The following CAMTA1 variants were observed in gnomAD, a reference collection of about 807,000 sequenced individuals.
CAMTA1 encodes the protein calmodulin binding transcription activator 1, also known as calmodulin-binding transcription activator 1.
In CAMTA1, 27 loss-of-function variants were observed where a neutral mutation model predicts 170.9. That is an observed-to-expected ratio of 0.16 (90% CI 0.12 to 0.22). The LOEUF (loss-of-function observed/expected upper bound fraction) is 0.22, where lower values mean the gene tolerates loss of function less well. Ranked by LOEUF, CAMTA1 falls within the 10% of genes least tolerant of loss-of-function variation. The pLI, the probability that CAMTA1 is intolerant of heterozygous loss-of-function variation, is 1.00. For missense variants in CAMTA1, 1,619 were observed against 2,217.2 expected, an observed-to-expected ratio of 0.73 and a Z score of 5.42; for synonymous variants, 833 against 891.5, an observed-to-expected ratio of 0.93 and a Z score of 1.17.
chr1:7,045,759 A>G (rs544938365), intron 3 of CAMTA1, among the ~76,000 whole-genome samples: 1 of 152,332 alleles, frequency 6.6e-6, no homozygotes, highest in South Asian at 2.1e-4. Context: ...GACGTCCTCT[A>G]GCATCTGTTG....
chr1:6,989,055 G>A (rs1450851305), intron 3 of CAMTA1, among the ~76,000 whole-genome samples: 1 of 152,204 alleles, frequency 6.6e-6, no homozygotes, highest in Non-Finnish European at 1.5e-5. Context: ...AAGGCAGGAG[G>A]GGCAGGGGAC....
At chr1:7,244,323 G>C (rs185941078) in intron 4 of CAMTA1, among the ~76,000 whole-genome samples, 3 of 152,352 alleles carry the variant, frequency 2.0e-5, no homozygotes, top group African/African-American at 7.2e-5. Flanking sequence ...CATTGCGGAA[G>C]TCGGTGTGGC....
intron 3 of CAMTA1, among the ~76,000 whole-genome samples, chr1:6,919,301 C>T (rs998263766): frequency 3.3e-5 from 5 of 152,094 alleles, no homozygotes; most frequent in Non-Finnish European, 7.4e-5. Flanking sequence ...AGGAGTGGGC[C>T]CCAGAGGCAA....
chr1:7,658,480 G>A (rs1207865130), intron 7 of CAMTA1, among the ~76,000 whole-genome samples: 1 of 152,208 alleles, frequency 6.6e-6, no homozygotes, highest in Non-Finnish European at 1.5e-5. Flanking sequence ...GGTACAGCCA[G>A]AGTAGGGGAC....
chr1:7,107,724 G>C (rs1359227298), intron 4 of CAMTA1, among the ~76,000 whole-genome samples: 1 of 152,194 alleles, frequency 6.6e-6, no homozygotes, highest in African/African-American at 2.4e-5. Flanking sequence ...CTGAGCTGCA[G>C]GGCTGTCCTC....
chr1:7,485,889 A>G (rs1438822552), intron 6 of CAMTA1, among the ~76,000 whole-genome samples: 2 of 152,172 alleles, frequency 1.3e-5, no homozygotes, highest in African/African-American at 4.8e-5. Flanking sequence ...AGCACTTTTA[A>G]CACTCCAGAC....
chr1:6,968,187 G>A (rs1691898358), intron 3 of CAMTA1, among the ~76,000 whole-genome samples: 1 of 152,148 alleles, frequency 6.6e-6, no homozygotes, highest in African/African-American at 2.4e-5. Flanking sequence ...TGTCCGCTTG[G>A]TGTGCCGAGA....
chr1:7,437,873 G>C (rs530456775), intron 5 of CAMTA1, among the ~76,000 whole-genome samples: 1 of 152,238 alleles, frequency 6.6e-6, no homozygotes, highest in East Asian at 1.9e-4. Context: ...GAAGCAGGCC[G>C]CACGACAGCC....
chr1:7,590,730 C>T (rs927080306), intron 6 of CAMTA1, among the ~76,000 whole-genome samples: 1 of 152,136 alleles, frequency 6.6e-6, no homozygotes, highest in Non-Finnish European at 1.5e-5. Flanking sequence ...TCAAAAGGAC[C>T]GGCACCTTTG....
rs1159569174 is a variant in CAMTA1, at chr1:7,768,626, C to G, written c.*2135C>G. 1 of 152,648 alleles carries G rather than the reference C, an allele frequency of 6.6e-6. No homozygotes were observed. The highest frequency in any genetic ancestry group is 1.5e-5 in the Non-Finnish European group (1 of 68,030). 9.5% of individuals were successfully genotyped at this position (152,648 alleles called of 1,614,324 possible). On this transcript the variant is annotated 3_prime_UTR_variant, in exon 23 of 23. Coordinates refer to ENST00000303635, the MANE Select transcript of CAMTA1 (RefSeq NM_015215.4). The stretch of plus-strand genomic sequence containing the variant: ...TTTTTTAATTACTTCCTTTCACTGC[C>G]AACCTCGAATTACTGTACAGTATAT...
chr1:7,386,813 C>T (rs2088051684), intron 5 of CAMTA1, among the ~76,000 whole-genome samples: 1 of 152,180 alleles, frequency 6.6e-6, no homozygotes, highest in South Asian at 2.1e-4. Context: ...GCTCCTTCCT[C>T]CCCTCCTAAC....
chr1:7,226,871 C>T (rs1221078884), intron 4 of CAMTA1, among the ~76,000 whole-genome samples: 2 of 151,712 alleles, frequency 1.3e-5, no homozygotes, highest in African/African-American at 2.4e-5. Flanking sequence ...CTCGCTCTGT[C>T]ACCCGGGCTG....
In CAMTA1 at chr1:7,195,158, C is replaced by T. The variant is rs776449711; in HGVS notation, c.303-54333C>T. On this transcript the variant is annotated intron_variant, in intron 4 of 22. Transcript: ENST00000303635. The surrounding 1 kb of genome is among the most constrained non-coding windows in gnomAD (Gnocchi z 4.1). ...CCCAGCAGCAGGCGAGGTTTTCTGT[C>T]GTCCAGCACGTGCAAGAGAAGGGCT... Among the ~76,000 whole-genome samples, 19 of 152,176 alleles carry T rather than the reference C, an allele frequency of 1.2e-4. No individual in the cohort carries two copies. The highest frequency in any genetic ancestry group is 4.6e-4 in the African/African-American group (19 of 41,444).
intron 4 of CAMTA1, among the ~76,000 whole-genome samples, chr1:7,198,045 T>C (rs1156965413): frequency 6.6e-6 from 1 of 152,138 alleles, no homozygotes; most frequent in South Asian, 2.1e-4. Flanking sequence ...CTGTTAGACA[T>C]GGACATTTCT....
chr1:7,307,489 G>C (rs1483544490), intron 5 of CAMTA1, among the ~76,000 whole-genome samples: 1 of 151,924 alleles, frequency 6.6e-6, no homozygotes, highest in Non-Finnish European at 1.5e-5. Context: ...AAGCTTATGT[G>C]AGAATGGACA....
chr1:6,806,923 T>C, intron 1 of CAMTA1: 1 of 432,800 alleles, frequency 2.3e-6, no homozygotes, highest in Non-Finnish European at 4.2e-6. Context: ...CATTGGTTAT[T>C]GTTATACTTT....
At chr1:7,757,575 T>C (rs1270633529) in intron 22 of CAMTA1, among the ~76,000 whole-genome samples, 2 of 152,202 alleles carry the variant, frequency 1.3e-5, no homozygotes, top group African/African-American at 4.8e-5. Context: ...GAGACCAGCC[T>C]GGCCAACGTG....
At chr1:7,338,034 TG>T (rs2083524968) in intron 5 of CAMTA1, among the ~76,000 whole-genome samples, 1 of 142,788 alleles carries the variant, frequency 7.0e-6, no homozygotes, top group African/African-American at 2.8e-5. Flanking sequence ...TATACATATA[TG>T]TACATATATA....
At chr1:6,976,326 G>C (rs112720588) in intron 3 of CAMTA1, among the ~76,000 whole-genome samples, 337 of 152,274 alleles carry the variant, frequency 2.2e-3, no homozygotes, top group African/African-American at 7.6e-3. Context: ...CAGGGAGACG[G>C]ATCTGGCACT....
Sources: allele counts gnomAD v4.1 joint callset (sites outside exome capture counted in the v4.1 genomes callset), GRCh38; gene constraint gnomAD v4.1.1; non-coding constraint Gnocchi (gnomAD v3.1); transcripts MANE v1.5; gene names NCBI Gene and HGNC (gene_info 2026-07-23, HGNC 2026-07-21).